ANK3: variants seen among roughly 807,000 people sequenced by gnomAD.
ANK3 encodes the protein ankyrin-3.
In ANK3, 57 loss-of-function variants were observed where a neutral mutation model predicts 370.9. The observed-to-expected ratio is 0.15, with a 90% confidence interval of 0.12 to 0.19. The LOEUF (loss-of-function observed/expected upper bound fraction) is 0.19. ANK3 is among the 10% of genes least tolerant of loss of function. The pLI, the probability that ANK3 is intolerant of heterozygous loss-of-function variation, is 1.00. For synonymous variants in ANK3, 1,929 were observed against 1,946.3 expected, an observed-to-expected ratio of 0.99 and a Z score of 0.23; for missense variants, 4,439 against 5,302.1, an observed-to-expected ratio of 0.84 and a Z score of 5.06.
chr10:60,173,048 A>C, intron 19 of ANK3, 40 bp downstream of exon 19: 1 of 1,610,444 alleles, frequency 6.2e-7, no homozygotes, highest in Non-Finnish European at 8.5e-7. Flanking sequence ...TGAAGCAAAA[A>C]TAAATGATTC....
intron 1 of ANK3, among the ~76,000 whole-genome samples, chr10:60,722,774 T>C (rs2079882423): frequency 6.6e-6 from 1 of 152,142 alleles, no homozygotes; most frequent in Non-Finnish European, 1.5e-5. Flanking sequence ...ATGGGAGATC[T>C]GGTTGTTTAA....
intron 7 of ANK3, among the ~76,000 whole-genome samples, chr10:60,240,123 C>A (rs1305828531): frequency 1.2e-5 from 1 of 83,080 alleles, no homozygotes; most frequent in Non-Finnish European, 2.5e-5. Flanking sequence ...TATATACACA[C>A]ATATATATAC....
At chr10:60,588,615 C>A (rs573644240) in intron 2 of ANK3, among the ~76,000 whole-genome samples, 1 of 151,874 alleles carries the variant, frequency 6.6e-6, no homozygotes, top group Admixed American at 6.6e-5. Context: ...TTACCTAATT[C>A]TCTCAAAAAA....
At chr10:60,104,713 T>C (rs2091928015) in intron 28 of ANK3, among the ~76,000 whole-genome samples, 1 of 152,224 alleles carries the variant, frequency 6.6e-6, no homozygotes, top group Non-Finnish European at 1.5e-5. Context: ...AATTCATGGT[T>C]GGTGGCGATT....
chr10:60,421,495 T>C (rs546403645), intron 2 of ANK3, among the ~76,000 whole-genome samples: 1 of 151,906 alleles, frequency 6.6e-6, no homozygotes, highest in East Asian at 1.9e-4. Context: ...CCTGTGAAAC[T>C]AGAGAAATCA....
chr10:60,421,728 C>A (rs2063783518), intron 2 of ANK3, among the ~76,000 whole-genome samples: 2 of 151,890 alleles, frequency 1.3e-5, no homozygotes. Flanking sequence ...ACAAGTAATC[C>A]CACTAGATCT....
At chr10:60,673,988 G>T (rs1376625861) in intron 1 of ANK3, among the ~76,000 whole-genome samples, 1 of 152,110 alleles carries the variant, frequency 6.6e-6, no homozygotes, top group Non-Finnish European at 1.5e-5. Context: ...GTTCACCAGG[G>T]TAGGAAGCAG....
At chr10:60,564,361 C>T (rs756738974) in intron 2 of ANK3, among the ~76,000 whole-genome samples, 6 of 152,170 alleles carry the variant, frequency 3.9e-5, no homozygotes, top group Non-Finnish European at 8.8e-5. Context: ...TACACCATTA[C>T]TCAAATCACC....
At chr10:60,179,845 T>C (rs2096098675) in intron 18 of ANK3, among the ~76,000 whole-genome samples, 1 of 152,138 alleles carries the variant, frequency 6.6e-6, no homozygotes, top group Admixed American at 6.5e-5. Context: ...CGACCTGGCC[T>C]TAAGAATCCT....
chr10:60,377,345 T>C (rs1293058158), intron 1 of ANK3, among the ~76,000 whole-genome samples: 1 of 152,246 alleles, frequency 6.6e-6, no homozygotes, highest in African/African-American at 2.4e-5. Context: ...ACAAAATGCA[T>C]TGTTCAAGGT....
At position 60,058,412 on chromosome 10, in the gene ANK3, C is replaced by CAAAT. The variant is rs966320273; in HGVS notation, c.12686+924_12686+927dup. ...ACCAGGAAATTATTTTGGGTAAAGA[C>CAAAT]AAATGTTCATCATGGCAATATTATT... On this transcript the variant is annotated intron_variant, in intron 41 of 43. Coordinates refer to ENST00000280772, the MANE Select transcript of ANK3 (RefSeq NM_020987.5). 5.3e-4 allele frequency among the ~76,000 whole-genome samples: 79 copies of CAAAT among 149,346 alleles called. 1 individual carries two copies. Among genetic ancestry groups the CAAAT allele is most frequent in the African/African-American group, 1.9e-3 (74 of 38,864 alleles).
chr10:60,484,309 G>A (rs2075296345), intron 2 of ANK3, among the ~76,000 whole-genome samples: 1 of 152,034 alleles, frequency 6.6e-6, no homozygotes, highest in Admixed American at 6.5e-5. Context: ...ATTAGTAAAA[G>A]ACAGGCACAA....
At chr10:60,716,944 T>C (rs2079799208) in intron 1 of ANK3, among the ~76,000 whole-genome samples, 1 of 152,232 alleles carries the variant, frequency 6.6e-6, no homozygotes, top group Non-Finnish European at 1.5e-5. Flanking sequence ...GCCAGGCTCA[T>C]AAGAAACATC....
intron 1 of ANK3, among the ~76,000 whole-genome samples, chr10:60,281,976 G>T (rs907568628): frequency 7.2e-5 from 11 of 152,164 alleles, no homozygotes; most frequent in Non-Finnish European, 1.5e-4. Context: ...AAAACAGAAT[G>T]CAGTTTTTAA....
intron 2 of ANK3, among the ~76,000 whole-genome samples, chr10:60,589,274 T>C (rs1247601417): frequency 6.6e-6 from 1 of 152,194 alleles, no homozygotes; most frequent in African/African-American, 2.4e-5. Flanking sequence ...AAAGGTTACA[T>C]GGAGGTTAAT....
chr10:60,684,038 T>C (rs565092837), intron 1 of ANK3, among the ~76,000 whole-genome samples: 1 of 152,330 alleles, frequency 6.6e-6, no homozygotes, highest in African/African-American at 2.4e-5. Context: ...TGTGTTTGTT[T>C]AGTCAATGTG....
chr10:60,504,768 C>CA (rs1173288551), intron 2 of ANK3, among the ~76,000 whole-genome samples: 1 of 152,044 alleles, frequency 6.6e-6, no homozygotes, highest in Non-Finnish European at 1.5e-5. Context: ...GACCCCTGGT[C>CA]AAATTTCATC....
At chr10:60,433,974 AT>A (rs2064095946) in intron 2 of ANK3, among the ~76,000 whole-genome samples, 1 of 152,216 alleles carries the variant, frequency 6.6e-6, no homozygotes, top group Non-Finnish European at 1.5e-5. Context: ...TGCTAAACAG[AT>A]TTTGTAGAAA....
At chr10:60,452,897 C>T (rs1294674224) in intron 2 of ANK3, among the ~76,000 whole-genome samples, 1 of 152,154 alleles carries the variant, frequency 6.6e-6, no homozygotes. Context: ...AGAAGAATGC[C>T]ATCACATACA....
Sources: gnomAD v4.1 joint callset for allele counts (sites outside exome capture counted in the v4.1 genomes callset) on GRCh38, gnomAD v4.1.1 for gene constraint, MANE v1.5 for transcripts, NCBI Gene and HGNC (gene_info 2026-07-23, HGNC 2026-07-21) for gene names.